The following LRGUK variants were observed in gnomAD, a reference collection of about 807,000 sequenced individuals.
LRGUK encodes the protein leucine rich repeats and guanylate kinase domain containing, also known as leucine-rich repeat and guanylate kinase domain-containing protein.
LRGUK carries 65 observed loss-of-function variants against 76.0 expected under a neutral mutation model. That is an observed-to-expected ratio of 0.85 (90% confidence interval 0.70 to 1.05). LRGUK has a LOEUF of 1.05. Among genes scored for constraint, LRGUK ranks in the 50% least tolerant of loss-of-function variants. The pLI is 0.00. For synonymous variants in LRGUK, 268 were observed against 265.6 expected, an observed-to-expected ratio of 1.01 and a Z score of -0.09; for missense variants, 758 against 732.8, an observed-to-expected ratio of 1.03 and a Z score of -0.40.
chr7:134,151,745 A>G (rs1798233219), intron 5 of LRGUK, among the ~76,000 whole-genome samples: 2 of 152,092 alleles, frequency 1.3e-5, no homozygotes, highest in South Asian at 4.1e-4. Context: ...AAATCTATAA[A>G]CATAATTAAC....
chr7:134,145,428 G>T (rs1321002315), intron 4 of LRGUK, among the ~76,000 whole-genome samples: 1 of 152,084 alleles, frequency 6.6e-6, no homozygotes, highest in Non-Finnish European at 1.5e-5. Flanking sequence ...TGTACTTTTA[G>T]TAGAGACGGG....
intron 1 of LRGUK, among the ~76,000 whole-genome samples, chr7:134,133,265 C>T (rs1264898682): frequency 6.6e-6 from 1 of 152,106 alleles, no homozygotes; most frequent in Non-Finnish European, 1.5e-5. Context: ...TACATGCTGC[C>T]CCTTTTGCCT....
At chr7:134,192,109 G>A (rs2117054823) in intron 12 of LRGUK, among the ~76,000 whole-genome samples, 1 of 152,286 alleles carries the variant, frequency 6.6e-6, no homozygotes, top group South Asian at 2.1e-4. Flanking sequence ...ATAACCGATG[G>A]CACAGAAATC....
At chr7:134,165,608 G>A (rs1004802739) in intron 7 of LRGUK, among the ~76,000 whole-genome samples, 1 of 152,146 alleles carries the variant, frequency 6.6e-6, no homozygotes, top group African/African-American at 2.4e-5. Context: ...CCAAAATGTT[G>A]TCATTTCAAC....
chr7:134,218,257 G>GA (rs1353594733), intron 15 of LRGUK, among the ~76,000 whole-genome samples: 2 of 152,084 alleles, frequency 1.3e-5, no homozygotes, highest in African/African-American at 2.4e-5. Context: ...TTTGAGTGGG[G>GA]AAAAAATAAG....
chr7:134,156,537 C>T (rs1310343587), intron 5 of LRGUK, among the ~76,000 whole-genome samples: 1 of 151,862 alleles, frequency 6.6e-6, no homozygotes. Context: ...TAGAAAGGAG[C>T]AAGAAAAAGA....
At chr7:134,204,469 A>G (rs1227351160) in intron 15 of LRGUK, among the ~76,000 whole-genome samples, 2 of 152,232 alleles carry the variant, frequency 1.3e-5, no homozygotes, top group Non-Finnish European at 2.9e-5. Flanking sequence ...GACTAATAGA[A>G]TTCCAACTGT....
chr7:134,172,391 G>T (rs919687089), intron 7 of LRGUK, among the ~76,000 whole-genome samples: 30 of 152,100 alleles, frequency 2.0e-4, no homozygotes, highest in Admixed American at 5.9e-4. Flanking sequence ...AAAGACTTTA[G>T]TAGTTCCCTT....
At chr7:134,251,405 C>T (rs1278493113) in intron 18 of LRGUK, among the ~76,000 whole-genome samples, 1 of 152,174 alleles carries the variant, frequency 6.6e-6, no homozygotes, top group African/African-American at 2.4e-5. Flanking sequence ...AATTCTCCCT[C>T]ACAGACCCTG....
At chr7:134,218,343 A>C (rs1801490862) in intron 15 of LRGUK, among the ~76,000 whole-genome samples, 1 of 152,170 alleles carries the variant, frequency 6.6e-6, no homozygotes, top group African/African-American at 2.4e-5. Context: ...TCCATTTCTA[A>C]GTGCTTTCAA....
chr7:134,256,776 C>G (rs1351105798), intron 18 of LRGUK, among the ~76,000 whole-genome samples: 1 of 152,150 alleles, frequency 6.6e-6, no homozygotes, highest in Non-Finnish European at 1.5e-5. Context: ...AATATATCAT[C>G]TTATAGCATT....
At chr7:134,220,657 C>G (rs1309977229) in intron 15 of LRGUK, among the ~76,000 whole-genome samples, 2 of 151,762 alleles carry the variant, frequency 1.3e-5, no homozygotes, top group Non-Finnish European at 2.9e-5. Context: ...CAGCCTCTAC[C>G]TCCTGATCTC....
At chr7:134,231,415 TTTTCCTTCCTCCCTTCCTTTCTTC>T (rs200466388) in intron 16 of LRGUK, among the ~76,000 whole-genome samples, 7,741 of 151,938 alleles carry the variant, frequency 0.051, 449 homozygotes, top group East Asian at 0.14. Flanking sequence ...ACCTTCCTTT[TTTTCCTTCCTCCCTTCCTTTCTTC>T]TTTCCTTTCT....
chr7:134,273,663 A>G, the LRGUK span, among the ~76,000 whole-genome samples: 2 of 152,232 alleles, frequency 1.3e-5, no homozygotes, highest in Non-Finnish European at 2.9e-5. Flanking sequence ...ATATTAACAT[A>G]CCCTCATTAG....
At chr7:134,190,573 G>C (rs1293193401) in intron 11 of LRGUK, among the ~76,000 whole-genome samples, 1 of 152,218 alleles carries the variant, frequency 6.6e-6, no homozygotes, top group Non-Finnish European at 1.5e-5. Context: ...ACTTAACAGT[G>C]GAAGGCAGAA....
At chr7:134,264,028 A>C (rs1046656798) in exon 20 of LRGUK, 14 of 1,542,096 alleles carry the variant, frequency 9.1e-6, no homozygotes, top group African/African-American at 1.4e-5. Context: ...GCTGATGTCG[A>C]ATTCCTTGCC....
intron 7 of LRGUK, among the ~76,000 whole-genome samples, chr7:134,166,531 G>A (rs867092738): frequency 7.9e-5 from 12 of 152,066 alleles, no homozygotes; most frequent in Admixed American, 7.9e-4. Context: ...CACACTGTTG[G>A]TTCCCAATTA....
In LRGUK at chr7:134,236,518, A is replaced by G. The variant is rs547449720; in HGVS notation, c.1984-11038A>G. Among the ~76,000 whole-genome samples, 3 of 152,288 alleles carry G rather than the reference A, an allele frequency of 2.0e-5. No homozygotes were observed. In the East Asian group the frequency reaches 5.8e-4, roughly 29 times the overall value. ...TTGCATGCTTATGGTGCCATTCATC[A>G]TGTTCTTCTGTCCCTGAATTTCCTG... On this transcript the variant is annotated intron_variant, in intron 16 of 19. Transcript: ENST00000285928.
At chr7:134,190,395 A>G (rs1800150185) in intron 11 of LRGUK, among the ~76,000 whole-genome samples, 1 of 152,088 alleles carries the variant, frequency 6.6e-6, no homozygotes, top group African/African-American at 2.4e-5. Flanking sequence ...TTTTGTAGAG[A>G]CAGAATCTCA....
Sources: allele counts gnomAD v4.1 joint callset (sites outside exome capture counted in the v4.1 genomes callset), GRCh38; gene constraint gnomAD v4.1.1; transcripts MANE v1.5; gene names NCBI Gene and HGNC (gene_info 2026-07-23, HGNC 2026-07-21).